Variants in NFASC observed in about 807,000 individuals in gnomAD.
NFASC encodes the protein neurofascin.
A neutral mutation model predicts 147.5 loss-of-function variants in NFASC; 43 were observed. The ratio of observed to expected loss-of-function variants is 0.29; its 90% CI spans 0.23 to 0.38. NFASC has a LOEUF of 0.38. NFASC is among the 10% of genes least tolerant of loss of function. The pLI is 1.00. For missense variants in NFASC, 1,320 were observed against 1,689.0 expected, an observed-to-expected ratio of 0.78 and a Z score of 3.83; for synonymous variants, 622 against 665.5, an observed-to-expected ratio of 0.93 and a Z score of 1.01.
chr1:205,007,371 G>C, intron 27 of NFASC, among the ~76,000 whole-genome samples: 1 of 151,268 alleles, frequency 6.6e-6, no homozygotes, highest in South Asian at 2.1e-4. Context: ...ACTCCAACCT[G>C]GGCAATAGAG....
chr1:204,834,976 C>A (rs573442933), intron 1 of NFASC, among the ~76,000 whole-genome samples: 3 of 152,096 alleles, frequency 2.0e-5, no homozygotes, highest in African/African-American at 7.2e-5. Flanking sequence ...TCTAATTATT[C>A]TCATCATCAT....
chr1:204,884,587 C>T (rs1489670990), intron 1 of NFASC, among the ~76,000 whole-genome samples: 1 of 152,052 alleles, frequency 6.6e-6, no homozygotes, highest in Non-Finnish European at 1.5e-5. Context: ...TAGATTTGTA[C>T]CTGAGCCCCT....
At chr1:204,932,679 T>C (rs2092470250) in intron 2 of NFASC, among the ~76,000 whole-genome samples, 1 of 152,222 alleles carries the variant, frequency 6.6e-6, no homozygotes, top group Non-Finnish European at 1.5e-5. Flanking sequence ...GTGGCTGCTT[T>C]CACACTGCGA....
At chr1:204,978,661 T>C (rs2095454055) in intron 17 of NFASC, among the ~76,000 whole-genome samples, 1 of 152,220 alleles carries the variant, frequency 6.6e-6, no homozygotes, top group Admixed American at 6.5e-5. Flanking sequence ...GCTTGCACTC[T>C]CAGAAGATCC....
chr1:204,884,767 T>C (rs2080978634), intron 1 of NFASC, among the ~76,000 whole-genome samples: 1 of 152,132 alleles, frequency 6.6e-6, no homozygotes, highest in Non-Finnish European at 1.5e-5. Context: ...GATCATGTGA[T>C]AACATCACCA....
chr1:204,901,894 G>T (rs1436598622), intron 1 of NFASC, among the ~76,000 whole-genome samples: 2 of 152,178 alleles, frequency 1.3e-5, no homozygotes, highest in Admixed American at 6.5e-5. Context: ...AGGGGCAAAG[G>T]CAGGCAGACG....
At chr1:204,972,181 C>T (rs923962748) in intron 11 of NFASC, among the ~76,000 whole-genome samples, 11 of 152,170 alleles carry the variant, frequency 7.2e-5, no homozygotes, top group African/African-American at 2.7e-4. Flanking sequence ...GGAGTGGCGC[C>T]TGCAGGGCGA....
At chr1:204,867,141 A>G (rs1210581847) in intron 1 of NFASC, among the ~76,000 whole-genome samples, 1 of 152,184 alleles carries the variant, frequency 6.6e-6, no homozygotes, top group African/African-American at 2.4e-5. Context: ...GTCAGCCTGG[A>G]GGAGCTAGAT....
chr1:204,907,920 C>T (rs2086352215), intron 1 of NFASC, among the ~76,000 whole-genome samples: 1 of 150,366 alleles, frequency 6.7e-6, no homozygotes, highest in South Asian at 2.1e-4. Context: ...ATCTATAATA[C>T]ATACTAACAC....
intron 21 of NFASC, chr1:204,984,040 G>A (rs760954090): frequency 2.5e-5 from 40 of 1,613,344 alleles, no homozygotes; most frequent in Non-Finnish European, 3.1e-5. Context: ...CCAGGGCTGC[G>A]CCCACTGAAG....
intron 1 of NFASC, among the ~76,000 whole-genome samples, chr1:204,908,204 G>A (rs1374909147): frequency 6.6e-6 from 1 of 152,090 alleles, no homozygotes; most frequent in East Asian, 1.9e-4. Context: ...CTAGTCTCAA[G>A]CTCCTAGGTT....
chr1:205,006,590 G>A (rs2096117157), intron 27 of NFASC, among the ~76,000 whole-genome samples: 2 of 152,186 alleles, frequency 1.3e-5, no homozygotes, highest in African/African-American at 2.4e-5. Context: ...CCCACACAGT[G>A]GAGAGTAATG....
In NFASC at chr1:205,019,755, A is replaced by T. The variant is rs1031900063; in HGVS notation, c.*3216A>T. On this transcript the variant is annotated 3_prime_UTR_variant, in exon 30 of 30. Coordinates refer to ENST00000339876, the MANE Select transcript of NFASC (RefSeq NM_001005388.3). ...GCTGGGCGGGACAGAGCAGTCAAGA[A>T]CCACGGTGTGGCTTGAGAAACAGTC... 6.6e-6 allele frequency: 1 copy of T among 152,192 alleles called. No individual in the cohort carries two copies. Among genetic ancestry groups the T allele is most frequent in the African/African-American group, 2.4e-5 (1 of 41,442 alleles). 9.4% of individuals were successfully genotyped at this position (152,192 alleles called of 1,614,324 possible).
At chr1:204,862,531 A>G (rs1432708180) in intron 1 of NFASC, among the ~76,000 whole-genome samples, 1 of 152,258 alleles carries the variant, frequency 6.6e-6, no homozygotes, top group African/African-American at 2.4e-5. Context: ...ACCTCCAGGA[A>G]ATCAAAGAAA....
chr1:205,012,942 G>A, intron 29 of NFASC, 76 bp downstream of exon 29: 2 of 1,033,138 alleles, frequency 1.9e-6, no homozygotes, highest in Non-Finnish European at 3.0e-6. Context: ...CCTCAGAGTA[G>A]CTCCGCTTGG....
intron 2 of NFASC, among the ~76,000 whole-genome samples, chr1:204,926,197 A>G (rs2091461920): frequency 6.6e-6 from 1 of 151,114 alleles, no homozygotes; most frequent in Non-Finnish European, 1.5e-5. Context: ...AAATTTTACA[A>G]TTTTCTTCAT....
At chr1:204,976,907 G>A in intron 16 of NFASC, 112 bp downstream of exon 16, 1 of 1,495,084 alleles carries the variant, frequency 6.7e-7, no homozygotes, top group Non-Finnish European at 8.9e-7. Context: ...AAGTGGCCGG[G>A]TCAGGCGTGG....
intron 1 of NFASC, among the ~76,000 whole-genome samples, chr1:204,843,996 C>T (rs1676250377): frequency 6.6e-6 from 1 of 152,128 alleles, no homozygotes; most frequent in South Asian, 2.1e-4. Flanking sequence ...CTTCGGCCTC[C>T]CAAAGTGCTG....
In NFASC at chr1:204,976,555, C is replaced by T. The variant is rs1292869001; in HGVS notation, c.1707-116C>T. The stretch of plus-strand genomic sequence containing the variant: ...GCATTGAGAGGGAGCCTCATACCCC[C>T]AGAAGGAGCTTCCCTTGCCCTCCTG... On this transcript the variant is annotated intron_variant, in intron 15 of 29. Coordinates refer to ENST00000339876, the MANE Select transcript of NFASC (RefSeq NM_001005388.3). 4.1e-6 allele frequency: 3 copies of T among 723,408 alleles called. No homozygotes were observed. The East Asian group carries it at 8.0e-5, about 19-fold the overall frequency. The allele number at this position is 723,408 out of a possible 1,614,324, so 44.8% of individuals were successfully genotyped here. A position where few individuals can be genotyped will look rare whatever the true frequency, so the allele number is the denominator to read the frequency against.
Sources: allele counts gnomAD v4.1 joint callset (sites outside exome capture counted in the v4.1 genomes callset), GRCh38; gene constraint gnomAD v4.1.1; transcripts MANE v1.5; gene names NCBI Gene and HGNC (gene_info 2026-07-23, HGNC 2026-07-21).